Variants in ASXL3 observed in about 807,000 individuals in gnomAD.
ASXL3 encodes the protein putative Polycomb group protein ASXL3.
Under a neutral mutation model 170.6 loss-of-function variants are expected in ASXL3, and 34 were observed. The ratio of observed to expected loss-of-function variants is 0.20; its 90% CI spans 0.15 to 0.27. The LOEUF is 0.27. ASXL3 is among the 10% of genes least tolerant of loss of function. The pLI, the probability that ASXL3 is intolerant of heterozygous loss-of-function variation, is 1.00. For synonymous variants in ASXL3, 1,002 were observed against 989.1 expected (o/e 1.01, Z -0.24); for missense variants, 2,592 against 2,695.3 (o/e 0.96, Z 0.85).
chr18:33,614,161 A>G (rs796946234), intron 2 of ASXL3: 119 of 152,252 alleles, frequency 7.8e-4, no homozygotes, highest in African/African-American at 2.6e-3. Context: ...CATTTTACCC[A>G]TAGTAGAACT....
chr18:33,662,094 A>G (rs2066183486), intron 5 of ASXL3, among the ~76,000 whole-genome samples: 1 of 152,216 alleles, frequency 6.6e-6, no homozygotes, highest in Non-Finnish European at 1.5e-5. Context: ...CTTATCTGAT[A>G]GTATAAAAAT....
intron 4 of ASXL3, among the ~76,000 whole-genome samples, chr18:33,650,206 C>A (rs1280330501): frequency 2.0e-5 from 3 of 151,930 alleles, no homozygotes; most frequent in African/African-American, 7.3e-5. Context: ...CTAACATATT[C>A]AAAAAATCAA....
At chr18:33,581,472 A>AGTGTGTGTGTGTGTGT (rs150752638) in intron 1 of ASXL3, among the ~76,000 whole-genome samples, 4,884 of 145,208 alleles carry the variant, frequency 0.034, 99 homozygotes, top group Non-Finnish European at 0.042. Flanking sequence ...TGCTGGAGTG[A>AGTGTGTGTGTGTGTGT]GTGTGTGTGT....
intron 2 of ASXL3, 95 bp from the exon 3 acceptor site, chr18:33,644,799 T>A (rs1365869848): frequency 2.9e-6 from 2 of 695,782 alleles, no homozygotes; most frequent in East Asian, 5.9e-5. Flanking sequence ...ATTTTTTTAT[T>A]TTTTTTAAGA....
At chr18:33,724,051 A>G (rs957479867) in intron 8 of ASXL3, among the ~76,000 whole-genome samples, 2 of 152,176 alleles carry the variant, frequency 1.3e-5, no homozygotes, top group Non-Finnish European at 2.9e-5. Flanking sequence ...GATAGCTTTT[A>G]TATGTACTGG....
intron 8 of ASXL3, among the ~76,000 whole-genome samples, chr18:33,713,261 T>G (rs1418560403): frequency 8.4e-6 from 1 of 118,694 alleles, no homozygotes; most frequent in African/African-American, 3.4e-5. Context: ...TTTTTTTTTT[T>G]TTTTTTTTTT....
intron 9 of ASXL3, among the ~76,000 whole-genome samples, chr18:33,733,812 T>G (rs1448724272): frequency 6.6e-6 from 1 of 152,192 alleles, no homozygotes; most frequent in Non-Finnish European, 1.5e-5. Flanking sequence ...TATAAAAGCC[T>G]GAGCAACCTT....
intron 2 of ASXL3, among the ~76,000 whole-genome samples, chr18:33,621,682 G>A (rs1364784405): frequency 1.3e-5 from 2 of 152,120 alleles, no homozygotes; most frequent in African/African-American, 4.8e-5. Context: ...GAGCCATTGA[G>A]CTCAGTAAGG....
rs775640183 is a variant in ASXL3, at chr18:33,747,315, G to C, written c.*720G>C. 6.6e-6 allele frequency: 1 copy of C among 151,664 alleles called. No homozygotes were observed. Among genetic ancestry groups the C allele is most frequent in the African/African-American group, 2.4e-5 (1 of 41,238 alleles). The allele number at this position is 151,664 out of a possible 1,614,324, so 9.4% of individuals were successfully genotyped here. On this transcript the variant is annotated 3_prime_UTR_variant, in exon 12 of 12. Coordinates refer to ENST00000269197, the MANE Select transcript of ASXL3 (RefSeq NM_030632.3). The stretch of plus-strand genomic sequence containing the variant: ...ACTCATGCCCAGCAATCTGGTTCTA[G>C]GCCTTTGACACCTGATAATATGAGA...
chr18:33,724,877 G>GATCT (rs1408892120), intron 8 of ASXL3, among the ~76,000 whole-genome samples: 1 of 152,024 alleles, frequency 6.6e-6, no homozygotes, highest in African/African-American at 2.4e-5. Context: ...GCATATTGCT[G>GATCT]ATCTATCTCC....
chr18:33,583,869 A>G (rs1469299539), intron 1 of ASXL3, among the ~76,000 whole-genome samples: 2 of 152,306 alleles, frequency 1.3e-5, no homozygotes, highest in Admixed American at 6.5e-5. Context: ...GAAAAGTGAA[A>G]TATGGCCCCT....
At chr18:33,645,091 A>T in intron 3 of ASXL3, 89 bp downstream of exon 3, 4 of 799,494 alleles carry the variant, frequency 5.0e-6, no homozygotes, top group Non-Finnish European at 7.7e-6. Context: ...TTTGAAGAGT[A>T]GAAGAATGAC....
In ASXL3 at chr18:33,743,581, A is replaced by G. The variant is rs201740316; in HGVS notation, c.3733A>G (p.Ile1245Val). 3.1e-6 allele frequency: 5 copies of G among 1,613,152 alleles called. No individual in the cohort carries two copies. Among genetic ancestry groups the G allele is most frequent in the Middle Eastern group, 1.6e-4 (1 of 6,084 alleles). ...CCCTGTATCTGTTTGCAGCACTGCT[A>G]TATCGGGAGCAATTAAAGAACATCC... ...SVPVSVCSTA[I>V]SGAIKEHPFV... is the part of the protein sequence containing the mutation. Residue 1245 changes from isoleucine to valine, a missense_variant, in exon 12 of 12, where the codon ATA becomes GTA. Physicochemically the swap from Ile to Val is conservative, Grantham distance 29. Transcript: ENST00000269197.
chr18:33,653,880 T>C (rs961836183), intron 4 of ASXL3, among the ~76,000 whole-genome samples: 1 of 151,932 alleles, frequency 6.6e-6, no homozygotes, highest in African/African-American at 2.4e-5. Flanking sequence ...TTTTCTGTGC[T>C]CTGATGATAA....
intron 7 of ASXL3, among the ~76,000 whole-genome samples, chr18:33,672,483 G>T (rs2066359684): frequency 6.6e-6 from 1 of 152,144 alleles, no homozygotes; most frequent in African/African-American, 2.4e-5. Flanking sequence ...AGGGAGAAAA[G>T]AGCATGAGAA....
At position 33,601,785 on chromosome 18, in the gene ASXL3, G is replaced by GTTTATATATATATATA. The variant is rs376654969; in HGVS notation, c.55-5808_55-5807insTTATATATATATATAT. On this transcript the variant is annotated intron_variant, in intron 1 of 11. Transcript: ENST00000269197. Reference sequence around the variant, plus strand: ...TGAGAATTTAAGTAAATATCTGATTGTATATATATAGTTTGTTTGTTTTGA... The same window carrying GTTTATATATATATATA: ...TGAGAATTTAAGTAAATATCTGATTGTTTATATATATATATATATATATATAGTTTGTTTGTTTTGA... Among the ~76,000 whole-genome samples the GTTTATATATATATATA allele has an allele frequency of 8.7e-5, 9 of 103,886 alleles. 2 individuals carry two copies. The highest frequency in any genetic ancestry group is 1.7e-4 in the African/African-American group (5 of 28,794). 68.2% of individuals were successfully genotyped at this position (103,886 alleles called of 152,430 possible). A position where few individuals can be genotyped will look rare whatever the true frequency, so the allele number is the denominator to read the frequency against.
chr18:33,740,556 T>C lies in ASXL3; in HGVS notation c.3039+113T>C, dbSNP rs1047174890. 6 of 1,055,598 alleles carry C rather than the reference T, an allele frequency of 5.7e-6. No individual in the cohort carries two copies. In the African/African-American group the frequency reaches 9.6e-5, roughly 17 times the overall value. The allele number at this position is 1,055,598 out of a possible 1,614,324, so 65.4% of individuals were successfully genotyped here. A position where few individuals can be genotyped will look rare whatever the true frequency, so the allele number is the denominator to read the frequency against. On this transcript the variant is annotated intron_variant, in intron 11 of 11. Transcript: ENST00000269197. The stretch of plus-strand genomic sequence containing the variant: ...TCCTTCTAGGTTTTATGCAGCAGTT[T>C]ATAATCTAATCCTCTAATAGTAAAT...
chr18:33,721,379 T>C (rs2067256471), intron 8 of ASXL3, among the ~76,000 whole-genome samples: 1 of 152,072 alleles, frequency 6.6e-6, no homozygotes, highest in South Asian at 2.1e-4. Context: ...GAAAAAATTA[T>C]ATGTACACAC....
intron 6 of ASXL3, 137 bp from the exon 7 acceptor site, chr18:33,671,610 G>T: frequency 3.0e-6 from 2 of 658,354 alleles, no homozygotes; most frequent in Non-Finnish European, 4.8e-6. Flanking sequence ...TCCAGTAGGG[G>T]AATCAGATTG....
Sources: gnomAD v4.1 joint callset for allele counts (sites outside exome capture counted in the v4.1 genomes callset) on GRCh38, gnomAD v4.1.1 for gene constraint, MANE v1.5 for transcripts, NCBI Gene and HGNC (gene_info 2026-07-23, HGNC 2026-07-21) for gene names.